The following MLLT10 variants were observed in gnomAD, a reference collection of about 807,000 sequenced individuals.
The protein encoded by MLLT10 is protein AF-10.
In MLLT10, 30 loss-of-function variants were observed where a neutral mutation model predicts 129.1. The ratio of observed to expected loss-of-function variants is 0.23; its 90% CI spans 0.17 to 0.32. The LOEUF is 0.32. Among genes scored for constraint, MLLT10 ranks in the 10% least tolerant of loss-of-function variants. The pLI is 1.00. For missense variants in MLLT10, 1,119 were observed against 1,268.3 expected (o/e 0.88, Z 1.79); for synonymous variants, 490 against 446.4 (o/e 1.10, Z -1.23).
chr10:21,604,649 T>G (rs188148082), intron 5 of MLLT10, among the ~76,000 whole-genome samples: 2 of 152,292 alleles, frequency 1.3e-5, no homozygotes, highest in Admixed American at 6.5e-5. Context: ...GTTATCTGTT[T>G]CTGAGATGCA....
intron 5 of MLLT10, among the ~76,000 whole-genome samples, chr10:21,596,636 AAAAAAAAAAAAAATATT>A (rs2043040918): frequency 7.2e-6 from 1 of 138,316 alleles, no homozygotes; most frequent in Non-Finnish European, 1.5e-5. Context: ...CTTTCTAGTA[AAAAAAAAAAAAAATATT>A]AAAATGTTTG....
intron 4 of MLLT10, among the ~76,000 whole-genome samples, chr10:21,592,512 G>C (rs1428137392): frequency 6.6e-6 from 1 of 151,346 alleles, no homozygotes; most frequent in Non-Finnish European, 1.5e-5. Flanking sequence ...CTGGAGCGTA[G>C]TGGCGCGATC....
At chr10:21,635,773 C>G (rs777467851) in intron 8 of MLLT10, among the ~76,000 whole-genome samples, 3 of 151,086 alleles carry the variant, frequency 2.0e-5, no homozygotes, top group Non-Finnish European at 2.9e-5. Flanking sequence ...GTCTCCCAGT[C>G]TAGAGTGCAA....
chr10:21,708,581 T>G, intron 13 of MLLT10: 1 of 985,376 alleles, frequency 1.0e-6, no homozygotes, highest in Non-Finnish European at 1.2e-6. Context: ...TGTTTTTTTT[T>G]TACCAGTAAA....
At chr10:21,629,121 A>T (rs2046766477) in intron 8 of MLLT10, among the ~76,000 whole-genome samples, 1 of 150,084 alleles carries the variant, frequency 6.7e-6, no homozygotes. Flanking sequence ...TGCTGCATGA[A>T]TTTTTTCTTA....
intron 8 of MLLT10, among the ~76,000 whole-genome samples, chr10:21,645,153 G>A (rs550440979): frequency 5.1e-4 from 77 of 152,274 alleles, no homozygotes; most frequent in African/African-American, 1.7e-3. Flanking sequence ...GAATTAAGGG[G>A]TAGGATTAAG....
chr10:21,726,999 G>A (rs2057565943), intron 15 of MLLT10, among the ~76,000 whole-genome samples: 1 of 152,136 alleles, frequency 6.6e-6, no homozygotes, highest in African/African-American at 2.4e-5. Context: ...GTCTTAATGA[G>A]CCACTGGATT....
intron 5 of MLLT10, among the ~76,000 whole-genome samples, chr10:21,601,051 C>G (rs1452605563): frequency 6.6e-6 from 1 of 152,148 alleles, no homozygotes; most frequent in East Asian, 1.9e-4. Context: ...TCAAGCAATC[C>G]TCCCATCTCA....
chr10:21,684,256 C>T (rs182554693), intron 13 of MLLT10, among the ~76,000 whole-genome samples: 76 of 152,206 alleles, frequency 5.0e-4, no homozygotes, highest in African/African-American at 1.6e-3. Context: ...ACACTATTTT[C>T]TCCTTGACTC....
chr10:21,697,939 C>T (rs943717990), intron 13 of MLLT10, among the ~76,000 whole-genome samples: 2 of 152,168 alleles, frequency 1.3e-5, no homozygotes, highest in Non-Finnish European at 2.9e-5. Context: ...TTTATCGCTA[C>T]ATAATAATTT....
chr10:21,638,264 A>G (rs371400752), intron 8 of MLLT10, among the ~76,000 whole-genome samples: 1,249 of 65,984 alleles, frequency 0.019, 18 homozygotes, highest in African/African-American at 0.075. Context: ...TGGTGGGGGG[A>G]GGGGGGCGGG....
intron 9 of MLLT10, among the ~76,000 whole-genome samples, chr10:21,668,631 T>C (rs2051081894): frequency 6.6e-6 from 1 of 152,162 alleles, no homozygotes; most frequent in Non-Finnish European, 1.5e-5. Context: ...TGAAGTTTGA[T>C]TGTTTTATTC....
chr10:21,594,102 A>C (rs908253649), intron 4 of MLLT10, among the ~76,000 whole-genome samples: 27 of 151,918 alleles, frequency 1.8e-4, no homozygotes, highest in African/African-American at 6.0e-4. Context: ...GGCCTGGTGT[A>C]GTCTCTTTGA....
chr10:21,690,082 G>C (rs1447093452), intron 13 of MLLT10, among the ~76,000 whole-genome samples: 10 of 152,112 alleles, frequency 6.6e-5, no homozygotes, highest in African/African-American at 2.2e-4. Context: ...GGCCACTTAG[G>C]GGGTAGTAAC....
At chr10:21,590,987 A>G (rs991324590) in intron 4 of MLLT10, among the ~76,000 whole-genome samples, 1 of 152,168 alleles carries the variant, frequency 6.6e-6, no homozygotes, top group African/African-American at 2.4e-5. Flanking sequence ...ATGAAAATGT[A>G]TATGCTGTAA....
intron 8 of MLLT10, among the ~76,000 whole-genome samples, chr10:21,637,711 T>C (rs1294848251): frequency 1.3e-5 from 2 of 152,204 alleles, no homozygotes; most frequent in African/African-American, 4.8e-5. Flanking sequence ...TGGAGGGCTT[T>C]GACACATGGA....
chr10:21,535,121 T>TGGGGGCGGGGGC (rs913075814), intron 2 of MLLT10, among the ~76,000 whole-genome samples: 16 of 85,276 alleles, frequency 1.9e-4, no homozygotes, highest in Non-Finnish European at 3.3e-4. Flanking sequence ...TGGGCCGGGG[T>TGGGGGCGGGGGC]GGGGGCGGGG....
At chr10:21,688,875 A>C (rs1046124016) in intron 13 of MLLT10, among the ~76,000 whole-genome samples, 1 of 152,148 alleles carries the variant, frequency 6.6e-6, no homozygotes, top group African/African-American at 2.4e-5. Context: ...GATCAGGAAG[A>C]ATATGAGAAC....
At chr10:21,667,438 C>G (rs569466190) in intron 9 of MLLT10, among the ~76,000 whole-genome samples, 1 of 131,454 alleles carries the variant, frequency 7.6e-6, no homozygotes, top group East Asian at 2.2e-4. Context: ...ATTTTTTGTT[C>G]GTTTGTTTTG....
Sources: allele counts gnomAD v4.1 joint callset (sites outside exome capture counted in the v4.1 genomes callset), GRCh38; gene constraint gnomAD v4.1.1; transcripts MANE v1.5; gene names NCBI Gene and HGNC (gene_info 2026-07-23, HGNC 2026-07-21).